The following WSB1 variants were observed in gnomAD, a reference collection of about 807,000 sequenced individuals.
WSB1 encodes the protein WD repeat and SOCS box-containing protein 1.
In WSB1, 23 loss-of-function variants were observed where a neutral mutation model predicts 50.2. That is an observed-to-expected ratio of 0.46 (90% CI 0.33 to 0.65). The LOEUF is 0.65. Among genes scored for constraint, WSB1 ranks in the 30% least tolerant of loss-of-function variants. The pLI is 0.02. For missense variants in WSB1, 492 were observed against 522.3 expected (o/e 0.94, Z 0.56); for synonymous variants, 179 against 172.0 (o/e 1.04, Z -0.32).
chr17:27,312,310 G>A lies in WSB1; in HGVS notation c.1207G>A (p.Glu403Lys). 6.2e-7 allele frequency: 1 copy of A among 1,614,158 alleles called. No homozygotes were observed. Among genetic ancestry groups the A allele is most frequent in the Non-Finnish European group, 8.5e-7 (1 of 1,180,016 alleles). ...AATCCGAAGAGTGATGCCCACCCAAGAAGTTCAGGAGCTGCCGATTCCTTC... is the reference window on the plus strand; with the variant it reads ...AATCCGAAGAGTGATGCCCACCCAAAAAGTTCAGGAGCTGCCGATTCCTTC... Reference protein sequence around the residue: ...MSIRRVMPTQEVQELPIPSKL... With the variant: ...MSIRRVMPTQKVQELPIPSKL... The change falls in exon 9 of 9, where the codon GAA (glutamate) becomes AAA (lysine). Residue 403 changes from glutamate to lysine, a missense_variant. By Grantham distance (56) the Glu-to-Lys change is moderately conservative. Transcript: ENST00000262394.
chr17:27,306,202 C>CTTTTTTTTTTTTTTTTTTTTTT (rs907711059), intron 4 of WSB1, among the ~76,000 whole-genome samples: 2 of 63,148 alleles, frequency 3.2e-5, no homozygotes, highest in African/African-American at 1.2e-4. Context: ...AGAATTCTGT[C>CTTTTTTTTTTTTTTTTTTTTTT]TTTTTTTTTT....
In WSB1 at chr17:27,310,070, T is replaced by A. The variant is rs1434502035; in HGVS notation, c.894T>A (p.Phe298Leu). The change falls in exon 7 of 9, where the codon TTT (phenylalanine) becomes TTA (leucine). Residue 298 changes from phenylalanine to leucine, a missense_variant. Transcript: ENST00000262394. ...ATATATTTGACCTCAGGCACCTGTT[T>A]CCCCCACCTACTCCAATATTTGCTG... Reference protein sequence around the residue: ...GDILMEFGHLFPPPTPIFAGG... With the variant: ...GDILMEFGHLLPPPTPIFAGG... 2 of 1,614,006 alleles carry A rather than the reference T, an allele frequency of 1.2e-6. No individual in the cohort carries two copies. Among genetic ancestry groups the A allele is most frequent in the Non-Finnish European group, 1.7e-6 (2 of 1,179,928 alleles).
intron 4 of WSB1, among the ~76,000 whole-genome samples, chr17:27,305,367 G>A (rs924605475): frequency 3.3e-5 from 5 of 152,176 alleles, no homozygotes; most frequent in African/African-American, 4.8e-5. Flanking sequence ...ATTAGTAAAC[G>A]TTAAATTGGC....
At chr17:27,308,921 C>G (rs1211720577) in intron 5 of WSB1, 179 bp from the exon 6 acceptor site, 10 of 1,217,470 alleles carry the variant, frequency 8.2e-6, no homozygotes, top group Admixed American at 8.0e-5. Context: ...GCATGTCTGC[C>G]TTAATTAACT....
In WSB1 at chr17:27,300,247, A is replaced by G. The variant is rs2017172114; in HGVS notation, c.41-1541A>G. 2.0e-5 allele frequency among the ~76,000 whole-genome samples: 3 copies of G among 152,210 alleles called. No homozygotes were observed. The South Asian group carries it at 6.2e-4, about 32-fold the overall frequency. On this transcript the variant is annotated intron_variant, in intron 1 of 8. Transcript: ENST00000262394. ...TGTGAACAGCAATAACATAGAATAT[A>G]TTAAAGCTTAGGTGTTGGAAAGTTT...
At chr17:27,302,247 C>T (rs3762810) in intron 2 of WSB1, among the ~76,000 whole-genome samples, 50,577 of 151,664 alleles carry the variant, frequency 0.33, 8,706 homozygotes, top group Middle Eastern at 0.45. Flanking sequence ...CCCATCTCTA[C>T]TGAAAATACA....
intron 5 of WSB1, chr17:27,308,425 G>A (rs1199645608): frequency 1.1e-5 from 11 of 984,446 alleles, no homozygotes; most frequent in Admixed American, 1.2e-4. Flanking sequence ...ACTTATGATC[G>A]TGGTTAGTTT....
Position 27,313,629 on chromosome 17 carries a change from A to C in WSB1, c.*1260A>C, listed in dbSNP as rs1020858124. ...TTAATTAAAGACTTGTAAAAAAAAA[A>C]AACAGTATATTGCAAATGTTTCTTA... On this transcript the variant is annotated 3_prime_UTR_variant, in exon 9 of 9. Transcript: ENST00000262394. The C allele has an allele frequency of 6.6e-6, 1 of 152,518 alleles. No homozygotes were observed. The highest frequency in any genetic ancestry group is 2.4e-5 in the African/African-American group (1 of 41,432). The allele number at this position is 152,518 out of a possible 1,614,324, so 9.4% of individuals were successfully genotyped here. A position where few individuals can be genotyped will look rare whatever the true frequency, so the allele number is the denominator to read the frequency against.
rs768709632 is a variant in WSB1 at position 27,301,838 on chromosome 17, A to G, written c.91A>G (p.Lys31Glu). The G allele has an allele frequency of 1.5e-5, 24 of 1,613,994 alleles. No individual in the cohort carries two copies. The highest frequency in any genetic ancestry group is 1.9e-5 in the Non-Finnish European group (22 of 1,180,018). The change falls in exon 2 of 9, where the codon AAG becomes GAG. Residue 31 changes from lysine (K) to glutamate (E), a missense_variant. Coordinates refer to ENST00000262394, the MANE Select transcript of WSB1 (RefSeq NM_015626.10). ...ELLAPAAPFD[K>E]KCGRENWTVA... ...TTTAGCTCCTGCAGCTCCTTTTGAC[A>G]AGAAATGTGGTCGTGAAAATTGGAC... is the stretch of plus-strand genomic sequence containing the variant.
chr17:27,310,202 A>G (rs1597770016), intron 7 of WSB1, 28 bp downstream of exon 7: 7 of 1,595,590 alleles, frequency 4.4e-6, no homozygotes, highest in Admixed American at 1.7e-5. Flanking sequence ...AGCTTGACTG[A>G]CTTACTATTA....
intron 1 of WSB1, among the ~76,000 whole-genome samples, chr17:27,295,007 G>GGTTGGGTGGA (rs1363223376): frequency 6.6e-6 from 1 of 152,226 alleles, no homozygotes; most frequent in Non-Finnish European, 1.5e-5. Context: ...GGAGCTGGGT[G>GGTTGGGTGGA]GTTGGGTGGA....
intron 1 of WSB1, among the ~76,000 whole-genome samples, chr17:27,299,035 T>TA (rs1567683508): frequency 6.6e-6 from 1 of 152,122 alleles, no homozygotes; most frequent in South Asian, 2.1e-4. Context: ...AGACCCTGTC[T>TA]AAAAAATTAA....
intron 7 of WSB1, among the ~76,000 whole-genome samples, chr17:27,310,634 T>C (rs1025429989): frequency 9.8e-5 from 15 of 152,364 alleles, no homozygotes; most frequent in African/African-American, 3.1e-4. Context: ...TCTGTGTTCA[T>C]GCATATAGCA....
At chr17:27,309,974 TATTC>T (rs1404236238) in intron 6 of WSB1, 83 bp from the exon 7 acceptor site, 1 of 993,496 alleles carries the variant, frequency 1.0e-6, no homozygotes, top group African/African-American at 1.6e-5. Flanking sequence ...CTTTAAACAC[TATTC>T]AAAGACAGAT....
At chr17:27,301,017 G>A (rs903805631) in intron 1 of WSB1, among the ~76,000 whole-genome samples, 20 of 151,902 alleles carry the variant, frequency 1.3e-4, no homozygotes, top group African/African-American at 2.7e-4. Context: ...GATTACAGGC[G>A]CCCACCACCA....
At chr17:27,307,226 G>T (rs1365346852) in intron 5 of WSB1, 2 of 209,186 alleles carry the variant, frequency 9.6e-6, no homozygotes, top group Admixed American at 5.6e-5. Flanking sequence ...CTATTTTTTT[G>T]GTCCAGTTTG....
intron 1 of WSB1, among the ~76,000 whole-genome samples, chr17:27,298,883 T>TTTTTTG (rs1279145433): frequency 5.9e-5 from 9 of 151,438 alleles, no homozygotes; most frequent in African/African-American, 2.2e-4. Flanking sequence ...AAAAAGTTTG[T>TTTTTTG]TTTTTGTTTT....
rs368708666 is a variant in WSB1 at position 27,304,780 on chromosome 17, G to T, written c.479G>T (p.Gly160Val). Residue 160 changes from glycine to valine, a missense_variant and splice_region_variant, in exon 4 of 9, where the codon GGA becomes GTA. Physicochemically the swap from Gly to Val is moderately radical, Grantham distance 109 (BLOSUM62 -3). Transcript: ENST00000262394. ...GRIKIWDVYTGKLLLNLVDHT... is the reference protein window; with the variant it reads ...GRIKIWDVYTVKLLLNLVDHT... ...TTTTTCCCTTTTCTATCATATTTAG[G>T]AAAACTCCTCCTTAACTTGGTAGAT... The T allele has an allele frequency of 6.2e-7, 1 of 1,610,876 alleles. No homozygotes were observed. Among genetic ancestry groups the T allele is most frequent in the Non-Finnish European group, 8.5e-7 (1 of 1,178,952 alleles).
chr17:27,298,126 GAAAAA>G (rs35222722), intron 1 of WSB1, among the ~76,000 whole-genome samples: 2 of 74,220 alleles, frequency 2.7e-5, no homozygotes, highest in East Asian at 4.4e-4. Flanking sequence ...CTCCGTCTCA[GAAAAA>G]AAAAAAAAAA....
Sources: gnomAD v4.1 joint callset for allele counts (sites outside exome capture counted in the v4.1 genomes callset) on GRCh38, gnomAD v4.1.1 for gene constraint, MANE v1.5 for transcripts, NCBI Gene and HGNC (gene_info 2026-07-23, HGNC 2026-07-21) for gene names.